Variants in TENM3 observed in about 807,000 individuals in gnomAD.
TENM3 encodes teneurin-3.
A neutral mutation model predicts 255.1 loss-of-function variants in TENM3; 63 were observed. The observed-to-expected ratio is 0.25, with a 90% CI of 0.20 to 0.30. TENM3 has a LOEUF of 0.30. Among genes scored for constraint, TENM3 ranks in the 10% least tolerant of loss-of-function variants. The probability of loss-of-function intolerance (pLI) is 1.00; values close to 1 mark genes in which losing one functional copy is unlikely to be tolerated. For synonymous variants in TENM3, 1,306 were observed against 1,322.3 expected (o/e 0.99, Z 0.27); for missense variants, 2,929 against 3,461.1 (o/e 0.85, Z 3.86).
chr4:182,014,027 TATATACAC>T, the TENM3 span, among the ~76,000 whole-genome samples: 1,046 of 29,758 alleles, frequency 0.035, no homozygotes, highest in Non-Finnish European at 0.049. Flanking sequence ...TGTATATACG[TATATACAC>T]ATATATACGT....
At chr4:182,072,833 AG>A in the TENM3 span, among the ~76,000 whole-genome samples, 1 of 152,132 alleles carries the variant, frequency 6.6e-6, no homozygotes, top group African/African-American at 2.4e-5. Context: ...CCGTGGACTG[AG>A]TTGTGCTCCC....
At chr4:181,961,830 G>C in the TENM3 span, among the ~76,000 whole-genome samples, 3 of 152,140 alleles carry the variant, frequency 2.0e-5, no homozygotes, top group East Asian at 3.9e-4. Context: ...AAAGAGTAAA[G>C]ATATTGTTTG....
chr4:182,330,371 C>CT (rs1378141373), intron 2 of TENM3, among the ~76,000 whole-genome samples: 1 of 152,112 alleles, frequency 6.6e-6, no homozygotes, highest in Middle Eastern at 3.2e-3. Flanking sequence ...CTGGGAGGAA[C>CT]TGGGCAAGGT....
the TENM3 span, among the ~76,000 whole-genome samples, chr4:181,759,539 C>T: frequency 6.6e-6 from 1 of 152,018 alleles, no homozygotes. Context: ...ATGTTCTGTT[C>T]ATAAGCATGA....
the TENM3 span, among the ~76,000 whole-genome samples, chr4:181,814,419 TG>T: frequency 6.6e-6 from 1 of 152,190 alleles, no homozygotes; most frequent in Non-Finnish European, 1.5e-5. Context: ...ACAAACTTTG[TG>T]AGCATTTTCA....
intron 13 of TENM3, among the ~76,000 whole-genome samples, chr4:182,725,638 T>TTC (rs1342058381): frequency 6.8e-6 from 1 of 148,020 alleles, no homozygotes; most frequent in Non-Finnish European, 1.5e-5. Flanking sequence ...TTTTTTTTCT[T>TTC]TTTTTTTTTT....
At chr4:181,456,834 C>T in the TENM3 span, among the ~76,000 whole-genome samples, 1,217 of 151,282 alleles carry the variant, frequency 8.0e-3, 37 homozygotes, top group East Asian at 0.054. Context: ...TTTATAATTG[C>T]AAGTCTACAT....
chr4:182,482,788 G>A (rs1000004233), intron 3 of TENM3, among the ~76,000 whole-genome samples: 1 of 151,996 alleles, frequency 6.6e-6, no homozygotes, highest in Admixed American at 6.6e-5. Flanking sequence ...TATTTTTATG[G>A]CCTTCTCCCA....
At chr4:182,182,803 C>T (rs549275531) in intron 1 of TENM3, among the ~76,000 whole-genome samples, 48 of 152,162 alleles carry the variant, frequency 3.2e-4, no homozygotes, top group Non-Finnish European at 6.3e-4. Flanking sequence ...TAAAAAGTAC[C>T]TACAAGGCAC....
chr4:181,878,799 C>T, the TENM3 span, among the ~76,000 whole-genome samples: 1 of 152,088 alleles, frequency 6.6e-6, no homozygotes, highest in Non-Finnish European at 1.5e-5. Context: ...ACCTACCTGT[C>T]TATCTACCTA....
At chr4:182,299,967 G>A (rs1761751301) in intron 1 of TENM3, among the ~76,000 whole-genome samples, 1 of 151,088 alleles carries the variant, frequency 6.6e-6, no homozygotes, top group Non-Finnish European at 1.5e-5. Context: ...CCAGGCTGGA[G>A]TGCAGTGGCG....
chr4:182,463,612 C>T (rs1580640082), intron 3 of TENM3, among the ~76,000 whole-genome samples: 1 of 149,056 alleles, frequency 6.7e-6, no homozygotes, highest in Non-Finnish European at 1.5e-5. Context: ...GCGCCTGCCA[C>T]TGCGCCTGGC....
chr4:181,861,438 T>C, the TENM3 span, among the ~76,000 whole-genome samples: 1 of 152,168 alleles, frequency 6.6e-6, no homozygotes, highest in Non-Finnish European at 1.5e-5. Flanking sequence ...TACTTGTCTT[T>C]GAAAAATATA....
rs1370998592 is a variant in TENM3 at position 182,285,575 on chromosome 4, T to A, written c.-75-38371T>A. ...ATCTGTATGACCTACAGATTGCAAG[T>A]CCTCTAGAAGGTGCATGAGGAAACT... is the stretch of plus-strand genomic sequence containing the variant. On this transcript the variant is annotated intron_variant, in intron 1 of 27. Coordinates refer to ENST00000511685, the MANE Select transcript of TENM3 (RefSeq NM_001080477.4). Among the ~76,000 whole-genome samples, 6 of 152,306 alleles carry A rather than the reference T, an allele frequency of 3.9e-5. No individual in the cohort carries two copies. In the East Asian group the frequency reaches 9.7e-4, roughly 25 times the overall value.
chr4:182,413,329 T>C (rs1030237389), intron 3 of TENM3, among the ~76,000 whole-genome samples: 1 of 152,112 alleles, frequency 6.6e-6, no homozygotes, highest in Non-Finnish European at 1.5e-5. Context: ...TTATCTATTA[T>C]CTACAGGCTG....
chr4:182,330,449 T>C (rs1422942978), intron 2 of TENM3, among the ~76,000 whole-genome samples: 1 of 152,184 alleles, frequency 6.6e-6, no homozygotes, highest in African/African-American at 2.4e-5. Context: ...CCTCCTCGTA[T>C]AGGGAGGGCA....
chr4:182,424,607 A>G (rs1409911818), intron 3 of TENM3, among the ~76,000 whole-genome samples: 1 of 152,164 alleles, frequency 6.6e-6, no homozygotes, highest in African/African-American at 2.4e-5. Flanking sequence ...CCTTGCCACC[A>G]TTTAAAGAAA....
intron 3 of TENM3, among the ~76,000 whole-genome samples, chr4:182,600,683 A>G (rs1228454920): frequency 2.0e-5 from 3 of 152,042 alleles, no homozygotes; most frequent in Non-Finnish European, 2.9e-5. Context: ...ACCAAAAGCA[A>G]TTTTGCCATC....
chr4:182,085,999 T>C, the TENM3 span, among the ~76,000 whole-genome samples: 1 of 152,202 alleles, frequency 6.6e-6, no homozygotes, highest in Non-Finnish European at 1.5e-5. Context: ...ATTTAAATAA[T>C]AGCTTGTAAA....
Sources: allele counts gnomAD v4.1 joint callset (sites outside exome capture counted in the v4.1 genomes callset), GRCh38; gene constraint gnomAD v4.1.1; transcripts MANE v1.5; gene names NCBI Gene and HGNC (gene_info 2026-07-23, HGNC 2026-07-21).